SEMA3A: variants seen among roughly 807,000 people sequenced by gnomAD.
The protein encoded by SEMA3A is semaphorin 3A.
SEMA3A carries 29 observed loss-of-function variants against 97.9 expected under a neutral mutation model. The ratio of observed to expected loss-of-function variants is 0.30; its 90% CI spans 0.22 to 0.40. The LOEUF (loss-of-function observed/expected upper bound fraction) is 0.40, where lower values mean the gene tolerates loss of function less well. Among genes scored for constraint, SEMA3A ranks in the 10% least tolerant of loss-of-function variants. The pLI is 1.00. For missense variants in SEMA3A, 763 were observed against 951.3 expected, an observed-to-expected ratio of 0.80 and a Z score of 2.60; for synonymous variants, 321 against 323.7, an observed-to-expected ratio of 0.99 and a Z score of 0.09.
chr7:84,335,878 A>G (rs1297972555), intron 2 of SEMA3A, among the ~76,000 whole-genome samples: 1 of 152,124 alleles, frequency 6.6e-6, no homozygotes, highest in African/African-American at 2.4e-5. Context: ...TAATATATTA[A>G]ATTATTATTT....
At chr7:84,273,487 T>C (rs916822056) in intron 3 of SEMA3A, among the ~76,000 whole-genome samples, 2 of 152,184 alleles carry the variant, frequency 1.3e-5, no homozygotes, top group Admixed American at 1.3e-4. Context: ...AAGTGAATTT[T>C]ACTTAGGACA....
At chr7:84,472,155 T>C (rs1040101418) in intron 1 of SEMA3A, among the ~76,000 whole-genome samples, 54 of 152,210 alleles carry the variant, frequency 3.5e-4, no homozygotes, top group Middle Eastern at 3.4e-3. Flanking sequence ...GTGTATGTGA[T>C]TACATGTCCA....
At chr7:83,988,387 T>C (rs1486524071) in intron 12 of SEMA3A, among the ~76,000 whole-genome samples, 1 of 151,910 alleles carries the variant, frequency 6.6e-6, no homozygotes, top group Non-Finnish European at 1.5e-5. Flanking sequence ...CCACCACGAC[T>C]GGCTAATTTT....
chr7:84,062,693 A>C (rs1287117950), intron 4 of SEMA3A, among the ~76,000 whole-genome samples: 2 of 152,200 alleles, frequency 1.3e-5, no homozygotes, highest in African/African-American at 4.8e-5. Context: ...CTCCCACCCG[A>C]ATACTGCGCT....
intron 1 of SEMA3A, among the ~76,000 whole-genome samples, chr7:84,399,248 C>T (rs1803831115): frequency 6.6e-6 from 1 of 152,126 alleles, no homozygotes. Flanking sequence ...TAGCCCTGGA[C>T]CTGAGGGGAA....
At chr7:84,022,023 T>A (rs1791348522) in intron 6 of SEMA3A, among the ~76,000 whole-genome samples, 1 of 152,198 alleles carries the variant, frequency 6.6e-6, no homozygotes, top group Non-Finnish European at 1.5e-5. Flanking sequence ...TGTTCTTTTC[T>A]TTGCATTAGA....
At chr7:84,271,238 A>T (rs1281483682) in intron 3 of SEMA3A, among the ~76,000 whole-genome samples, 1 of 152,030 alleles carries the variant, frequency 6.6e-6, no homozygotes, top group Non-Finnish European at 1.5e-5. Context: ...CCCAGGCCAG[A>T]GTGAAGATGC....
At chr7:84,430,410 C>A (rs1021440428) in intron 1 of SEMA3A, among the ~76,000 whole-genome samples, 6 of 151,856 alleles carry the variant, frequency 4.0e-5, no homozygotes, top group Non-Finnish European at 8.8e-5. Flanking sequence ...TCTCATAACA[C>A]TTAAAAAACC....
intron 11 of SEMA3A, among the ~76,000 whole-genome samples, chr7:84,004,631 G>C (rs1319689189): frequency 6.6e-6 from 1 of 152,114 alleles, no homozygotes; most frequent in Admixed American, 6.6e-5. Flanking sequence ...GGCCAGAAAA[G>C]TTATGATGCA....
chr7:84,294,668 T>A (rs555388390), intron 3 of SEMA3A, among the ~76,000 whole-genome samples: 15 of 152,156 alleles, frequency 9.9e-5, no homozygotes, highest in African/African-American at 3.6e-4. Context: ...TTTACTCCAA[T>A]AATTTATAAT....
In SEMA3A at chr7:84,318,854, T is replaced by C. The variant is rs531195951; in HGVS notation, c.-168-11562A>G. On this transcript the variant is annotated intron_variant, in intron 2 of 3. Transcript: ENST00000424555. ...ATGTAAATGGCTATCACAAATGATA[T>C]AAAGTCACCAGATAATGCAAATAAA... Among the ~76,000 whole-genome samples the C allele has an allele frequency of 3.5e-4, 54 of 152,258 alleles. No homozygotes were observed. In the East Asian group the frequency reaches 4.1e-3, roughly 11 times the overall value.
intron 1 of SEMA3A, among the ~76,000 whole-genome samples, chr7:84,406,164 A>T (rs1276101721): frequency 6.6e-6 from 1 of 152,190 alleles, no homozygotes. Context: ...AGACTAATAA[A>T]GAAGAAAAGA....
chr7:83,995,397 T>C (rs938110270), intron 12 of SEMA3A, among the ~76,000 whole-genome samples: 1 of 152,138 alleles, frequency 6.6e-6, no homozygotes, highest in South Asian at 2.1e-4. Context: ...CCCTAGTACA[T>C]AACAGGCTCC....
chr7:84,427,538 T>C (rs908154381), intron 1 of SEMA3A, among the ~76,000 whole-genome samples: 2 of 149,750 alleles, frequency 1.3e-5, no homozygotes, highest in Admixed American at 6.8e-5. Context: ...TCCCAGCTAC[T>C]TGGGAGGCTG....
chr7:83,969,684 G>A lies in SEMA3A; in HGVS notation c.1718-6337C>T, dbSNP rs189177669. 2.8e-4 allele frequency among the ~76,000 whole-genome samples: 42 copies of A among 152,244 alleles called. No individual in the cohort carries two copies. In the East Asian group the frequency reaches 7.5e-3, roughly 27 times the overall value. On this transcript the variant is annotated intron_variant, in intron 15 of 16. Coordinates refer to ENST00000265362, the MANE Select transcript of SEMA3A (RefSeq NM_006080.3). Reference sequence around the variant, plus strand: ...TGATGGAATACTTTATTGAACTGCTGGAGGATGTAAGCATTTCAAATATTC... The same window carrying A: ...TGATGGAATACTTTATTGAACTGCTAGAGGATGTAAGCATTTCAAATATTC...
chr7:84,294,157 C>CT (rs1800815588), intron 3 of SEMA3A, among the ~76,000 whole-genome samples: 1 of 151,836 alleles, frequency 6.6e-6, no homozygotes, highest in African/African-American at 2.4e-5. Flanking sequence ...ATTTGTCTTG[C>CT]TAGTTATTAT....
intron 1 of SEMA3A, among the ~76,000 whole-genome samples, chr7:84,428,969 T>G (rs2116313472): frequency 6.6e-6 from 1 of 152,072 alleles, no homozygotes; most frequent in South Asian, 2.1e-4. Flanking sequence ...TCACCAAATT[T>G]TAGGAGGCTC....
At chr7:83,963,446 A>G in intron 15 of SEMA3A, 99 bp from the exon 16 acceptor site, 1 of 1,299,570 alleles carries the variant, frequency 7.7e-7, no homozygotes, top group East Asian at 2.4e-5. Flanking sequence ...GTTATTGCCA[A>G]GTTGGAAGTT....
chr7:84,191,719 C>T (rs1156326257), intron 1 of SEMA3A, among the ~76,000 whole-genome samples: 1 of 151,716 alleles, frequency 6.6e-6, no homozygotes, highest in African/African-American at 2.4e-5. Flanking sequence ...GTAAATGTTT[C>T]TTAAGGATAA....
Sources: allele counts gnomAD v4.1 joint callset (sites outside exome capture counted in the v4.1 genomes callset), GRCh38; gene constraint gnomAD v4.1.1; transcripts MANE v1.5; gene names NCBI Gene and HGNC (gene_info 2026-07-23, HGNC 2026-07-21).